Variants in NSUN3 observed in about 807,000 individuals in gnomAD.
The protein encoded by NSUN3 is NOP2/Sun RNA methyltransferase 3.
In NSUN3, 24 loss-of-function variants were observed where a neutral mutation model predicts 36.8. That is an observed-to-expected ratio of 0.65 (90% CI 0.47 to 0.92). The LOEUF (loss-of-function observed/expected upper bound fraction) is 0.92, where lower values mean the gene tolerates loss of function less well. Ranked by LOEUF, NSUN3 falls within the 40% of genes least tolerant of loss-of-function variation. NSUN3 has a pLI of 0.00. For synonymous variants in NSUN3, 146 were observed against 145.2 expected (o/e 1.01, Z -0.04); for missense variants, 381 against 392.8 (o/e 0.97, Z 0.25).
intron 3 of NSUN3, among the ~76,000 whole-genome samples, chr3:94,089,631 A>C (rs891455363): frequency 6.6e-6 from 1 of 152,156 alleles, no homozygotes. Flanking sequence ...GGCACTGTGC[A>C]TGTGGGGAGC....
chr3:94,069,394 C>CT (rs1441136936), intron 2 of NSUN3, among the ~76,000 whole-genome samples: 1 of 152,150 alleles, frequency 6.6e-6, no homozygotes, highest in Non-Finnish European at 1.5e-5. Context: ...TCATTTCTAA[C>CT]TTTTAAAAGA....
In NSUN3 at chr3:94,076,648, A is replaced by G. The variant is rs1457068247; in HGVS notation, c.123-7459A>G. ...AAGAAAGCCCATAGCCTTTTTTCTG[A>G]TGTCCATGGAGACGCAAGTCTGAGT... is the stretch of plus-strand genomic sequence containing the variant. On this transcript the variant is annotated intron_variant, in intron 2 of 5. Transcript: ENST00000314622. 4 of 1,038,600 alleles carry G rather than the reference A, an allele frequency of 3.9e-6. No homozygotes were observed. The Admixed American group carries it at 6.8e-5, about 18-fold the overall frequency. 64.3% of individuals were successfully genotyped at this position (1,038,600 alleles called of 1,614,324 possible).
intron 2 of NSUN3, chr3:94,075,834 A>T (rs2077243522): frequency 6.1e-6 from 6 of 982,696 alleles, no homozygotes; most frequent in Non-Finnish European, 7.6e-6. Flanking sequence ...TCTGTCTCAT[A>T]ACCAGTGTTA....
At position 94,126,351 on chromosome 3, in the gene NSUN3, C is replaced by T. The variant is rs17854922; in HGVS notation, c.884C>T (p.Ala295Val). 8 of 1,613,974 alleles carry T rather than the reference C, an allele frequency of 5.0e-6. No individual in the cohort carries two copies. The African/African-American group carries it at 1.1e-4, about 22-fold the overall frequency. ...NIMPMDIKGI[A>V]RTCSHDFTFA... The stretch of plus-strand genomic sequence containing the variant: ...ATGCCTATGGACATTAAAGGAATAG[C>T]AAGGACTTGCTCCCACGACTTCACA... The change falls in exon 6 of 6, where the codon GCA becomes GTA. Residue 295 changes from alanine (A) to valine (V), a missense_variant. Coordinates refer to ENST00000314622, the MANE Select transcript of NSUN3 (RefSeq NM_022072.5).
At chr3:94,094,100 C>T in intron 3 of NSUN3, 40 bp from the exon 4 acceptor site, 1 of 1,450,698 alleles carries the variant, frequency 6.9e-7, no homozygotes, top group East Asian at 2.4e-5. Context: ...TTAACAGTTC[C>T]ATTGCCTTCA....
chr3:94,077,019 A>G, intron 2 of NSUN3: 1 of 853,658 alleles, frequency 1.2e-6, no homozygotes, highest in Non-Finnish European at 2.1e-6. Context: ...GTCTGGTTAC[A>G]CCTGGAAGCC....
In NSUN3 at chr3:94,123,524, T is replaced by C. The variant is rs146240072; in HGVS notation, c.744-2687T>C. On this transcript the variant is annotated intron_variant, in intron 5 of 5. Coordinates refer to ENST00000314622, the MANE Select transcript of NSUN3 (RefSeq NM_022072.5). The stretch of plus-strand genomic sequence containing the variant: ...TCTCTTTGGAGGCATTAAACACCTC[T>C]TTGTTCTTGAAGTTCAAAAATTTAA... Among the ~76,000 whole-genome samples the C allele has an allele frequency of 9.1e-3, 1,382 of 152,322 alleles. 18 individuals carry two copies. The highest frequency in any genetic ancestry group is 0.029 in the African/African-American group (1,222 of 41,554).
intron 5 of NSUN3, among the ~76,000 whole-genome samples, chr3:94,118,832 GT>G (rs2077450867): frequency 6.6e-6 from 1 of 151,902 alleles, no homozygotes; most frequent in East Asian, 1.9e-4. Flanking sequence ...CTTTGCCAAA[GT>G]TTATTAGTAT....
At chr3:94,104,527 C>G (rs2077378204) in intron 5 of NSUN3, among the ~76,000 whole-genome samples, 4 of 152,132 alleles carry the variant, frequency 2.6e-5, no homozygotes. Flanking sequence ...ACGTCTAAAT[C>G]TTGGGATTCA....
Position 94,126,503 on chromosome 3 carries a change from A to T in NSUN3, c.*13A>T. 1 of 1,601,324 alleles carries T rather than the reference A, an allele frequency of 6.2e-7. No homozygotes were observed. The highest frequency in any genetic ancestry group is 8.5e-7 in the Non-Finnish European group (1 of 1,170,230). The stretch of plus-strand genomic sequence containing the variant: ...AGGAAAATGGTGACATGAATTTGTA[A>T]ACTGTGTTTATGTGTTATTATATTT... On this transcript the variant is annotated 3_prime_UTR_variant, in exon 6 of 6. Transcript: ENST00000314622.
intron 5 of NSUN3, 23 bp downstream of exon 5, chr3:94,095,177 T>C: frequency 6.2e-7 from 1 of 1,607,282 alleles, no homozygotes; most frequent in Non-Finnish European, 8.5e-7. Flanking sequence ...AATACAAAAG[T>C]GTATTTTGGT....
At chr3:94,073,649 TG>T (rs1473583070) in intron 2 of NSUN3, among the ~76,000 whole-genome samples, 2 of 152,354 alleles carry the variant, frequency 1.3e-5, no homozygotes, top group African/African-American at 4.8e-5. Flanking sequence ...TTGATGAGGT[TG>T]TTTTTTTCTC....
intron 3 of NSUN3, among the ~76,000 whole-genome samples, chr3:94,092,919 CAAAAAAAAA>C (rs1161530879): frequency 2.0e-4 from 5 of 24,638 alleles, no homozygotes; most frequent in Non-Finnish European, 2.7e-4. Flanking sequence ...GACTGCATCT[CAAAAAAAAA>C]AAAAAAAAAA....
Position 94,090,639 on chromosome 3 carries a change from C to T in NSUN3, c.467-3501C>T, listed in dbSNP as rs567478882. ...CAGACTGGGTACCCTAACCAACCCC[C>T]CTTAAGAAAATAACTAAAAATGTAG... On this transcript the variant is annotated intron_variant, in intron 3 of 5. Coordinates refer to ENST00000314622, the MANE Select transcript of NSUN3 (RefSeq NM_022072.5). 2.0e-5 allele frequency among the ~76,000 whole-genome samples: 3 copies of T among 152,084 alleles called. No individual in the cohort carries two copies. The East Asian group carries it at 5.8e-4, about 29-fold the overall frequency.
At chr3:94,124,028 T>C (rs1442945755) in intron 5 of NSUN3, among the ~76,000 whole-genome samples, 3 of 152,138 alleles carry the variant, frequency 2.0e-5, no homozygotes, top group Admixed American at 2.0e-4. Flanking sequence ...TCTTTGTATA[T>C]GTGTATGTTT....
chr3:94,071,358 T>A (rs954570199), intron 2 of NSUN3, among the ~76,000 whole-genome samples: 1 of 152,184 alleles, frequency 6.6e-6, no homozygotes, highest in East Asian at 1.9e-4. Context: ...CATGAAAATA[T>A]ATTAAGATGA....
chr3:94,119,225 T>A (rs1177623889), intron 5 of NSUN3, among the ~76,000 whole-genome samples: 1 of 152,208 alleles, frequency 6.6e-6, no homozygotes. Context: ...TCTTTTAATT[T>A]TGATTGGAAA....
At chr3:94,107,332 C>T (rs925562167) in intron 5 of NSUN3, among the ~76,000 whole-genome samples, 3 of 152,086 alleles carry the variant, frequency 2.0e-5, no homozygotes, top group African/African-American at 7.2e-5. Flanking sequence ...TGGAGTCTCA[C>T]TCTGTCGTCC....
At chr3:94,063,315 C>A in intron 1 of NSUN3, 177 bp downstream of exon 1, 1 of 677,234 alleles carries the variant, frequency 1.5e-6, no homozygotes. Flanking sequence ...TGCTGTAATG[C>A]TGAGTCCCTT....
Sources: gnomAD v4.1 joint callset for allele counts (sites outside exome capture counted in the v4.1 genomes callset) on GRCh38, gnomAD v4.1.1 for gene constraint, MANE v1.5 for transcripts, NCBI Gene and HGNC (gene_info 2026-07-23, HGNC 2026-07-21) for gene names.